TTN: variants seen among roughly 807,000 people sequenced by gnomAD.
TTN encodes the protein connectin.
In TTN, 1,525 loss-of-function variants were observed where a neutral mutation model predicts 3,223.0. The observed-to-expected ratio is 0.47, with a 90% CI of 0.45 to 0.49. TTN has a LOEUF of 0.49. Ranked by LOEUF, TTN falls within the 20% of genes least tolerant of loss-of-function variation. TTN has a pLI of 0.00. For synonymous variants in TTN, 14,094 were observed against 15,161.0 expected, an observed-to-expected ratio of 0.93 and a Z score of 5.17; for missense variants, 40,786 against 43,424.0, an observed-to-expected ratio of 0.94 and a Z score of 5.40.
Position 178,552,308 on chromosome 2 carries a change from G to C in TTN, c.90592C>G (p.His30198Asp), listed in dbSNP as rs750619537. Reference sequence around the variant, plus strand: ...AGAATAACAGTGTATTTTCCTCCATGCTCCTTCTTGGCATTCTTAATACTC... The same window carrying C: ...AGAATAACAGTGTATTTTCCTCCATCCTCCTTCTTGGCATTCTTAATACTC... The part of the protein sequence containing the change: ...TLSIKNAKKE[H>D]GGKYTVILDN... The change falls in exon 335 of 363, where the codon CAT becomes GAT. Residue 30198 changes from histidine to aspartate, a missense_variant. Physicochemically the swap from His to Asp is moderately conservative, Grantham distance 81 (BLOSUM62 -1). Coordinates refer to ENST00000589042, the MANE Select transcript of TTN (RefSeq NM_001267550.2). 4 of 1,611,992 alleles carry C rather than the reference G, an allele frequency of 2.5e-6. No homozygotes were observed. The highest frequency in any genetic ancestry group is 3.4e-6 in the Non-Finnish European group (4 of 1,179,176).
At chr2:178,577,941 C>A in intron 322 of TTN, 43 bp from the exon 323 acceptor site, 1 of 1,591,534 alleles carries the variant, frequency 6.3e-7, no homozygotes, top group East Asian at 2.3e-5. Flanking sequence ...TACCAGTTTT[C>A]TTCATGTAAA....
Position 178,572,072 on chromosome 2 carries a change from A to T in TTN, c.74060T>A (p.Phe24687Tyr), listed in dbSNP as rs775051314. The change falls in exon 326 of 363, where the codon TTC (phenylalanine) becomes TAC (tyrosine). Residue 24687 changes from phenylalanine to tyrosine, a missense_variant. Phe to Tyr is a conservative substitution (Grantham distance 22). Coordinates refer to ENST00000589042, the MANE Select transcript of TTN (RefSeq NM_001267550.2). ...CTTTTCATTCTGAGCTGAAACACGG[A>T]AAGAGTATTCTTCACCCTGAATTAA... is the stretch of plus-strand genomic sequence containing the variant. The part of the protein sequence containing the change: ...TGLIQGEEYS[F>Y]RVSAQNEKGI... 2.5e-6 allele frequency: 4 copies of T among 1,613,248 alleles called. No homozygotes were observed. The highest frequency in any genetic ancestry group is 3.4e-6 in the Non-Finnish European group (4 of 1,179,582).
In TTN at chr2:178,591,774, T is replaced by G. The variant is rs575796706; in HGVS notation, c.60045A>C (p.Glu20015Asp). 31 of 1,613,322 alleles carry G rather than the reference T, an allele frequency of 1.9e-5. No individual in the cohort carries two copies. The Admixed American group carries it at 2.8e-4, about 15-fold the overall frequency. The change falls in exon 303 of 363, where the codon GAA becomes GAC. Residue 20015 changes from glutamate to aspartate, a missense_variant. Glu to Asp is a conservative substitution (Grantham distance 45, BLOSUM62 2). Transcript: ENST00000589042. ...GGSPITGYLV[E>D]YQEEGTQDWI... ...AGTCCTGGGTGCCTTCTTCTTGATA[T>G]TCTACCAAATATCCAGTGATTGGAG...
intron 282 of TTN, 89 bp downstream of exon 282, chr2:178,603,787 T>C: frequency 3.2e-6 from 4 of 1,249,994 alleles, no homozygotes; most frequent in Non-Finnish European, 3.2e-6. Context: ...TAATTTGGCA[T>C]AGAAAAATAT....
Position 178,561,132 on chromosome 2 carries a change from C to A in TTN, c.85000G>T (p.Asp28334Tyr). 1 of 1,613,794 alleles carries A rather than the reference C, an allele frequency of 6.2e-7. No homozygotes were observed. The highest frequency in any genetic ancestry group is 8.5e-7 in the Non-Finnish European group (1 of 1,179,812). Residue 28334 changes from aspartate to tyrosine, a missense_variant, in exon 326 of 363, where the codon GAC becomes TAC. Physicochemically the swap from Asp to Tyr is radical, Grantham distance 160. Coordinates refer to ENST00000589042, the MANE Select transcript of TTN (RefSeq NM_001267550.2). ...EFRVFARNAA[D>Y]SVSEPSESTG... Reference sequence around the variant, plus strand: ...GATTCAGATGGCTCACTAACTGAGTCAGCAGCATTCCTTGCAAAAACCCGG... The same window carrying A: ...GATTCAGATGGCTCACTAACTGAGTAAGCAGCATTCCTTGCAAAAACCCGG...
rs1560516000 is a variant in TTN, at chr2:178,704,624, T to C, written c.29848A>G (p.Ser9950Gly). The C allele has an allele frequency of 4.3e-6, 7 of 1,612,538 alleles. No homozygotes were observed. In the African/African-American group the frequency reaches 5.3e-5, roughly 12 times the overall value. Reference sequence around the variant, plus strand: ...AGTGTATGTCGGTCACCATCAATGCTTATTTCAAATTTATCACTGGGTTCC... The same window carrying C: ...AGTGTATGTCGGTCACCATCAATGCCTATTTCAAATTTATCACTGGGTTCC... ...KLEPSDKFEI[S>G]IDGDRHTLRV... The change falls in exon 105 of 363, where the codon AGC becomes GGC. Residue 9950 changes from serine (S) to glycine (G), a missense_variant. By Grantham distance (56) the Ser-to-Gly change is moderately conservative (BLOSUM62 0). Coordinates refer to ENST00000589042, the MANE Select transcript of TTN (RefSeq NM_001267550.2).
At chr2:178,649,004 C>T (rs1323668427) in intron 213 of TTN, among the ~76,000 whole-genome samples, 1 of 152,110 alleles carries the variant, frequency 6.6e-6, no homozygotes, top group East Asian at 1.9e-4. Flanking sequence ...CTGTTTTACA[C>T]ATTGAATGAG....
Position 178,723,287 on chromosome 2 carries a change from A to C in TTN, c.21720T>G (p.Ser7240=). 1 of 1,613,464 alleles carries C rather than the reference A, an allele frequency of 6.2e-7. No homozygotes were observed. Among genetic ancestry groups the C allele is most frequent in the Non-Finnish European group, 8.5e-7 (1 of 1,179,602 alleles). The change falls in exon 75 of 363, where the codon TCT becomes TCG. Residue 7240 remains serine, a synonymous_variant. Coordinates refer to ENST00000589042, the MANE Select transcript of TTN (RefSeq NM_001267550.2). ...GAATTATGGACTTCCCTGGTTCTAC[A>C]GAATGATCACTTAATCTCTTCAAAA... The part of the protein sequence containing the change: ...AAFLKRLSDH[S]VEPGKSIILE...
At chr2:178,753,433 C>A in intron 46 of TTN, 1 of 354,970 alleles carries the variant, frequency 2.8e-6, no homozygotes, top group Non-Finnish European at 5.1e-6. Context: ...TATAATTCCC[C>A]ATGCCTTTAC....
intron 358 of TTN, 51 bp from the exon 359 acceptor site, chr2:178,530,167 T>G (rs1688456850): frequency 6.4e-7 from 1 of 1,565,814 alleles, no homozygotes; most frequent in African/African-American, 1.4e-5. Flanking sequence ...ATTTTAAGCT[T>G]TTTTTGGGAA....
rs765930349 is a variant in TTN at position 178,577,108 on chromosome 2, A to G, written c.69227T>C (p.Ile23076Thr). The G allele has an allele frequency of 1.3e-5, 21 of 1,613,170 alleles. No individual in the cohort carries two copies. The highest frequency in any genetic ancestry group is 4.0e-5 in the African/African-American group (3 of 74,858). ...EDGGSPIKSYILEKRETSRLL... is the reference protein window; with the variant it reads ...EDGGSPIKSYTLEKRETSRLL... ...TCGGCTGGTTTCTCTCTTTTCAAGT[A>G]TATAGGACTTAATTGGTGAGCCGCC... The change falls in exon 324 of 363, where the codon ATA (isoleucine) becomes ACA (threonine). Residue 23076 changes from isoleucine (I) to threonine (T), a missense_variant. Physicochemically the swap from Ile to Thr is moderately conservative, Grantham distance 89 (BLOSUM62 -1). Coordinates refer to ENST00000589042, the MANE Select transcript of TTN (RefSeq NM_001267550.2).
rs778877604 is a variant in TTN at position 178,532,517 on chromosome 2, G to T, written c.104098C>A (p.Pro34700Thr). The T allele has an allele frequency of 1.9e-6, 3 of 1,613,794 alleles. No individual in the cohort carries two copies. Among genetic ancestry groups the T allele is most frequent in the Non-Finnish European group, 2.5e-6 (3 of 1,179,870 alleles). ...AGGCTAGAAAGCTCAAAGTGTGGAGGGCTTCGACTTGGGGGTGAAGCTGAA... is the reference window on the plus strand; with the variant it reads ...AGGCTAGAAAGCTCAAAGTGTGGAGTGCTTCGACTTGGGGGTGAAGCTGAA... ...GFSASPPSRS[P>T]PHFELSSLRY... Residue 34700 changes from proline to threonine, a missense_variant, in exon 358 of 363, where the codon CCT becomes ACT. Pro to Thr is a conservative substitution (Grantham distance 38). Transcript: ENST00000589042.
Position 178,572,297 on chromosome 2 carries a change from T to G in TTN, c.73835A>C (p.Lys24612Thr). The change falls in exon 326 of 363, where the codon AAA (lysine) becomes ACA (threonine). Residue 24612 changes from lysine to threonine, a missense_variant. Physicochemically the swap from Lys to Thr is moderately conservative, Grantham distance 78. Transcript: ENST00000589042. Reference sequence around the variant, plus strand: ...TGGAGGAAGAGGTCGTTCTGATGCTTTCACAGATTCTGCGGTTTCAGCAGG... The same window carrying G: ...TGGAGGAAGAGGTCGTTCTGATGCTGTCACAGATTCTGCGGTTTCAGCAGG... Reference protein sequence around the residue: ...GLPAETAESVKASERPLPPGK... With the variant: ...GLPAETAESVTASERPLPPGK... The G allele has an allele frequency of 6.2e-7, 1 of 1,612,060 alleles. No individual in the cohort carries two copies. The highest frequency in any genetic ancestry group is 8.5e-7 in the Non-Finnish European group (1 of 1,178,448).
rs201395853 is a variant in TTN at position 178,782,966 on chromosome 2, G to A, written c.2940C>T (p.Asp980=). ...PSPTVTWYRE[D]YQIESSIDFQ... ...AGTCAATGGAACTTTCGATTTGGTA[G>A]TCTTCCCTGTACCATGTCACTGTCG... is the stretch of plus-strand genomic sequence containing the variant. Residue 980 remains aspartate, a synonymous_variant, in exon 18 of 363, where the codon GAC becomes GAT. Transcript: ENST00000589042. 15 of 1,614,040 alleles carry A rather than the reference G, an allele frequency of 9.3e-6. No individual in the cohort carries two copies. The highest frequency in any genetic ancestry group is 1.1e-5 in the Non-Finnish European group (13 of 1,180,010).
chr2:178,641,378 T>G lies in TTN; in HGVS notation c.40559-63A>C. The G allele has an allele frequency of 4.2e-6, 4 of 962,510 alleles. No homozygotes were observed. In the South Asian group the frequency reaches 6.6e-5, roughly 16 times the overall value. The allele number at this position is 962,510 out of a possible 1,614,324, so 59.6% of individuals were successfully genotyped here. A position where few individuals can be genotyped will look rare whatever the true frequency, so the allele number is the denominator to read the frequency against. On this transcript the variant is annotated intron_variant, in intron 219 of 362. Transcript: ENST00000589042. ...AACTAATGAAGATGTTGAATAAGCT[T>G]GACAAATGCAAATAATGTACAAAGC...
In TTN at chr2:178,587,438, A is replaced by C. The variant is rs2049268810; in HGVS notation, c.63794-21T>G. The C allele has an allele frequency of 3.7e-6, 6 of 1,602,978 alleles. No individual in the cohort carries two copies. The African/African-American group carries it at 8.1e-5, about 22-fold the overall frequency. On this transcript the variant is annotated intron_variant, in intron 306 of 362. Coordinates refer to ENST00000589042, the MANE Select transcript of TTN (RefSeq NM_001267550.2). ...AGTGTCTGTAAAGAATCATAAAATCAGATATACATGTCTCCTCAGCATCCC... is the reference window on the plus strand; with the variant it reads ...AGTGTCTGTAAAGAATCATAAAATCCGATATACATGTCTCCTCAGCATCCC...
In TTN at chr2:178,677,335, CATATAT is replaced by C. The variant is rs61060584; in HGVS notation, c.34292-54_34292-49del. On this transcript the variant is annotated intron_variant, in intron 146 of 362. Transcript: ENST00000589042. Reference sequence around the variant, plus strand: ...GCATTAAAAACCACATATACATGGTCATATATATATATATATATATATATATGAAAG... The same window carrying C: ...GCATTAAAAACCACATATACATGGTCATATATATATATATATATATGAAAG... 8.0e-4 allele frequency: 201 copies of C among 251,692 alleles called. 3 individuals carry two copies. The highest frequency in any genetic ancestry group is 5.3e-3 in the South Asian group (22 of 4,160). 15.6% of individuals were successfully genotyped at this position (251,692 alleles called of 1,614,324 possible).
chr2:178,801,990 G>T, intron 3 of TTN, 148 bp downstream of exon 3: 3 of 953,070 alleles, frequency 3.1e-6, no homozygotes, highest in Non-Finnish European at 4.9e-6. Context: ...CAAACAACTT[G>T]GTTATAAATA....
Position 178,559,604 on chromosome 2 carries a change from A to C in TTN, c.86528T>G (p.Leu28843Ter), listed in dbSNP as rs752378132. Residue 28843 changes from leucine (L) to a stop codon, truncating the protein, a stop_gained, in exon 326 of 363, where the codon TTA (leucine) becomes TGA (stop). Transcript: ENST00000589042. LOFTEE classifies it high-confidence loss of function. ...GTTGGTTGGAGGACCTGGGGTATCTAAAACTTTGACAACTAAGGTCAGTGA... is the reference window on the plus strand; with the variant it reads ...GTTGGTTGGAGGACCTGGGGTATCTCAAACTTTGACAACTAAGGTCAGTGA... ...AASLTLVVKV[L>*]DTPGPPTNIT... 2 of 1,613,748 alleles carry C rather than the reference A, an allele frequency of 1.2e-6. No homozygotes were observed. The highest frequency in any genetic ancestry group is 1.7e-6 in the Non-Finnish European group (2 of 1,179,784).
Sources: gnomAD v4.1 joint callset for allele counts (sites outside exome capture counted in the v4.1 genomes callset) on GRCh38, gnomAD v4.1.1 for gene constraint, MANE v1.5 for transcripts, NCBI Gene and HGNC (gene_info 2026-07-23, HGNC 2026-07-21) for gene names.